Variants in OXR1 observed in about 807,000 individuals in gnomAD.
OXR1 encodes oxidation resistance 1.
In OXR1, 41 loss-of-function variants were observed where a neutral mutation model predicts 104.6. The ratio of observed to expected loss-of-function variants is 0.39; its 90% CI spans 0.31 to 0.51. OXR1 has a LOEUF of 0.51. Ranked by LOEUF, OXR1 falls within the 20% of genes least tolerant of loss-of-function variation. The probability of loss-of-function intolerance (pLI) is 0.77; values close to 1 mark genes in which losing one functional copy is unlikely to be tolerated. For missense variants in OXR1, 955 were observed against 1,031.9 expected, an observed-to-expected ratio of 0.93 and a Z score of 1.02; for synonymous variants, 348 against 348.4, an observed-to-expected ratio of 1.00 and a Z score of 0.01.
chr8:106,732,955 A>T (rs1267599780), intron 11 of OXR1, among the ~76,000 whole-genome samples: 2 of 152,070 alleles, frequency 1.3e-5, no homozygotes, highest in Non-Finnish European at 2.9e-5. Context: ...AGTTTGTATA[A>T]TTTCTTCGTA....
At chr8:106,348,428 AC>A (rs1366856280) in intron 1 of OXR1, among the ~76,000 whole-genome samples, 1 of 152,186 alleles carries the variant, frequency 6.6e-6, no homozygotes, top group Non-Finnish European at 1.5e-5. Context: ...TTCTGAGAAT[AC>A]AGAAAGATTC....
At chr8:106,494,866 C>T (rs1334978835) in intron 2 of OXR1, among the ~76,000 whole-genome samples, 2 of 152,122 alleles carry the variant, frequency 1.3e-5, no homozygotes, top group South Asian at 2.1e-4. Context: ...CTGTGTAATA[C>T]TTTTTGGCAT....
intron 3 of OXR1, among the ~76,000 whole-genome samples, chr8:106,664,008 G>A (rs1255158199): frequency 6.6e-6 from 1 of 152,176 alleles, no homozygotes; most frequent in Non-Finnish European, 1.5e-5. Flanking sequence ...GCTGGCCCCA[G>A]TTTTAGTCTC....
intron 2 of OXR1, among the ~76,000 whole-genome samples, chr8:106,488,804 C>G (rs1373490009): frequency 6.7e-6 from 1 of 149,394 alleles, no homozygotes; most frequent in Non-Finnish European, 1.5e-5. Context: ...GGTACCAGTA[C>G]CATGCTGTTT....
chr8:106,751,134 T>C lies in OXR1; in HGVS notation c.*193T>C, dbSNP rs1176858529. ...GTTCTTGTCCCAGAGTTCTTTAGGT[T>C]AACACTAGGGACTGCGTCCATGTAC... On this transcript the variant is annotated 3_prime_UTR_variant, in exon 17 of 17. Coordinates refer to ENST00000517566, the MANE Select transcript of OXR1 (RefSeq NM_001198533.2). 2 of 468,440 alleles carry C rather than the reference T, an allele frequency of 4.3e-6. No individual in the cohort carries two copies. The highest frequency in any genetic ancestry group is 4.0e-5 in the African/African-American group (2 of 49,732). 29.0% of individuals were successfully genotyped at this position (468,440 alleles called of 1,614,324 possible).
At position 106,534,180 on chromosome 8, in the gene OXR1, G is replaced by A. The variant is rs140263133; in HGVS notation, c.220+15041G>A. ...CTACAATTTTTTCTGCATTTGTAAC[G>A]AGATTCAAGATGATGCTGATGCTGA... On this transcript the variant is annotated intron_variant, in intron 3 of 16. Transcript: ENST00000517566. Among the ~76,000 whole-genome samples the A allele has an allele frequency of 8.3e-4, 126 of 152,260 alleles. No individual in the cohort carries two copies. The East Asian group carries it at 0.019, about 23-fold the overall frequency.
intron 3 of OXR1, among the ~76,000 whole-genome samples, chr8:106,561,255 C>T (rs1394983070): frequency 6.6e-6 from 1 of 152,154 alleles, no homozygotes; most frequent in Non-Finnish European, 1.5e-5. Flanking sequence ...GCAAAACAGT[C>T]TGAAGTCAAC....
At chr8:106,302,065 G>A (rs1813256471) in intron 1 of OXR1, among the ~76,000 whole-genome samples, 1 of 152,140 alleles carries the variant, frequency 6.6e-6, no homozygotes. Flanking sequence ...TCTACTTATA[G>A]CAAGCTTGAA....
At chr8:106,584,547 A>C (rs2130651968) in intron 3 of OXR1, among the ~76,000 whole-genome samples, 1 of 152,296 alleles carries the variant, frequency 6.6e-6, no homozygotes, top group South Asian at 2.1e-4. Context: ...AGAATGACAT[A>C]GGACTTCTCT....
intron 2 of OXR1, among the ~76,000 whole-genome samples, chr8:106,493,174 A>C (rs1298337606): frequency 3.3e-5 from 5 of 152,196 alleles, no homozygotes; most frequent in African/African-American, 7.2e-5. Flanking sequence ...TTTTGGGTTA[A>C]GCAATGTTGC....
At chr8:106,607,828 A>G (rs940868513) in intron 3 of OXR1, among the ~76,000 whole-genome samples, 1 of 142,106 alleles carries the variant, frequency 7.0e-6, no homozygotes, top group Non-Finnish European at 1.5e-5. Flanking sequence ...TTTTTTTTTT[A>G]CTAGTGAGGT....
At chr8:106,298,945 A>C (rs558528670) in intron 1 of OXR1, among the ~76,000 whole-genome samples, 6 of 146,348 alleles carry the variant, frequency 4.1e-5, no homozygotes, top group East Asian at 4.0e-4. Flanking sequence ...GTGTGTGTCT[A>C]TGTGTATTTT....
At chr8:106,711,515 T>C (rs973514978) in intron 10 of OXR1, among the ~76,000 whole-genome samples, 1 of 152,158 alleles carries the variant, frequency 6.6e-6, no homozygotes, top group Non-Finnish European at 1.5e-5. Context: ...AAACTACATA[T>C]ACTTAACACA....
At chr8:106,482,352 C>T (rs1237686956) in intron 2 of OXR1, among the ~76,000 whole-genome samples, 1 of 149,050 alleles carries the variant, frequency 6.7e-6, no homozygotes, top group Non-Finnish European at 1.5e-5. Flanking sequence ...AATGTTTTAG[C>T]AATGAGTGAG....
At chr8:106,312,925 AG>A (rs1813769546) in intron 1 of OXR1, among the ~76,000 whole-genome samples, 1 of 152,170 alleles carries the variant, frequency 6.6e-6, no homozygotes, top group Non-Finnish European at 1.5e-5. Context: ...ACACCCAAAT[AG>A]GGACTTCTGT....
rs562016488 is a variant in OXR1, at chr8:106,276,293, T to C, written c.-139+5926T>C. ...ACACTGAACTCAGCCTTCTGGATCA[T>C]GAAGCCTGGTTTTTGCAATTTTGAT... On this transcript the variant is annotated intron_variant, in intron 1 of 16. Coordinates refer to ENST00000517566, the MANE Select transcript of OXR1 (RefSeq NM_001198533.2). Among the ~76,000 whole-genome samples the C allele has an allele frequency of 3.2e-4, 49 of 152,334 alleles. No individual in the cohort carries two copies. The South Asian group carries it at 9.7e-3, about 30-fold the overall frequency.
At chr8:106,517,346 G>A (rs1312877126) in intron 2 of OXR1, among the ~76,000 whole-genome samples, 1 of 152,058 alleles carries the variant, frequency 6.6e-6, no homozygotes, top group Non-Finnish European at 1.5e-5. Context: ...AATCATTCAT[G>A]TTGCTGCTAA....
intron 3 of OXR1, among the ~76,000 whole-genome samples, chr8:106,620,606 A>G (rs1401814020): frequency 1.3e-5 from 2 of 152,198 alleles, no homozygotes; most frequent in African/African-American, 2.4e-5. Context: ...AGAGAATTTT[A>G]TTAGTAATTA....
At chr8:106,425,061 G>A (rs1244491809) in intron 2 of OXR1, among the ~76,000 whole-genome samples, 1 of 147,100 alleles carries the variant, frequency 6.8e-6, no homozygotes, top group African/African-American at 2.5e-5. Context: ...TAGATATTTA[G>A]CAGGGTTTTT....
Sources: gnomAD v4.1 joint callset for allele counts (sites outside exome capture counted in the v4.1 genomes callset) on GRCh38, gnomAD v4.1.1 for gene constraint, MANE v1.5 for transcripts, NCBI Gene and HGNC (gene_info 2026-07-23, HGNC 2026-07-21) for gene names.